Variants in RAPGEF1 observed in about 807,000 individuals in gnomAD.
RAPGEF1 encodes CRK SH3-binding GNRP.
RAPGEF1 carries 33 observed loss-of-function variants against 143.3 expected under a neutral mutation model. The observed-to-expected ratio is 0.23, with a 90% confidence interval of 0.17 to 0.31. RAPGEF1 has a LOEUF of 0.31. RAPGEF1 is among the 10% of genes least tolerant of loss of function. The probability of loss-of-function intolerance (pLI) is 1.00; values close to 1 mark genes in which losing one functional copy is unlikely to be tolerated. For missense variants in RAPGEF1, 1,199 were observed against 1,645.4 expected (o/e 0.73, Z 4.69); for synonymous variants, 629 against 676.5 (o/e 0.93, Z 1.09).
intron 1 of RAPGEF1, among the ~76,000 whole-genome samples, chr9:131,716,250 C>A (rs573933417): frequency 5.3e-5 from 8 of 152,318 alleles, no homozygotes; most frequent in African/African-American, 1.2e-4. Context: ...AAGGACCCCC[C>A]CAATGATACA....
intron 5 of RAPGEF1, among the ~76,000 whole-genome samples, chr9:131,630,716 T>C (rs958648483): frequency 3.3e-5 from 5 of 151,950 alleles, no homozygotes; most frequent in African/African-American, 1.2e-4. Flanking sequence ...TGCACGATGA[T>C]GGCATGGGTG....
intron 22 of RAPGEF1, among the ~76,000 whole-genome samples, chr9:131,586,791 G>A (rs1294658159): frequency 2.1e-5 from 1 of 48,264 alleles, no homozygotes; most frequent in African/African-American, 9.6e-5. Flanking sequence ...GCGAGACTCC[G>A]TCAAACACAC....
intron 5 of RAPGEF1, 136 bp from the exon 6 acceptor site, chr9:131,630,460 GCAAGTATCACTTGCCTTAGGT>G: frequency 1.3e-6 from 1 of 786,114 alleles, no homozygotes; most frequent in South Asian, 1.6e-5. Flanking sequence ...CACCATAAAC[GCAAGTATCACTTGCCTTAGGT>G]AATCTGCATG....
At chr9:131,593,868 T>A (rs1954788965) in intron 17 of RAPGEF1, among the ~76,000 whole-genome samples, 1 of 152,214 alleles carries the variant, frequency 6.6e-6, no homozygotes, top group Non-Finnish European at 1.5e-5. Context: ...GACCCATACC[T>A]GCTTCTGGAA....
intron 16 of RAPGEF1, among the ~76,000 whole-genome samples, chr9:131,596,988 C>T (rs1458402690): frequency 6.6e-6 from 1 of 152,188 alleles, no homozygotes; most frequent in East Asian, 1.9e-4. Flanking sequence ...TGCCACCAAC[C>T]CACCTGCCTC....
rs565098582 is a variant in RAPGEF1 at position 131,725,890 on chromosome 9, C to T, written c.61+13880G>A. On this transcript the variant is annotated intron_variant, in intron 1 of 26. Transcript: ENST00000683357. ...TCTCCTGCCTCAGCCTCCCGAGTAGCTGGGACTACAGGCGCGTGCCACCAT... is the reference window on the plus strand; with the variant it reads ...TCTCCTGCCTCAGCCTCCCGAGTAGTTGGGACTACAGGCGCGTGCCACCAT... Among the ~76,000 whole-genome samples the T allele has an allele frequency of 2.0e-5, 3 of 151,874 alleles. No homozygotes were observed. The South Asian group carries it at 6.3e-4, about 32-fold the overall frequency.
Position 131,667,965 on chromosome 9 carries a change from A to C in RAPGEF1, c.62-17016T>G, listed in dbSNP as rs1214973740. Among the ~76,000 whole-genome samples, 1 of 152,222 alleles carries C rather than the reference A, an allele frequency of 6.6e-6. No individual in the cohort carries two copies. The highest frequency in any genetic ancestry group is 1.5e-5 in the Non-Finnish European group (1 of 68,032). ...TCATCTGTGGCCACCAGACCGTTCA[A>C]AAATATACTCCTTTTTGGGATAAAT... On this transcript the variant is annotated intron_variant, in intron 1 of 26. Transcript: ENST00000683357. The surrounding 1 kb of genome is among the most constrained non-coding windows in gnomAD (Gnocchi z 4.6).
intron 1 of RAPGEF1, among the ~76,000 whole-genome samples, chr9:131,653,226 C>T (rs1588789893): frequency 6.6e-6 from 1 of 152,210 alleles, no homozygotes; most frequent in African/African-American, 2.4e-5. Context: ...CCTCCACATG[C>T]TTCAAATCAT....
At chr9:131,624,013 C>A (rs1029207868) in intron 10 of RAPGEF1, among the ~76,000 whole-genome samples, 2 of 152,166 alleles carry the variant, frequency 1.3e-5, no homozygotes, top group Admixed American at 6.5e-5. Flanking sequence ...GGGGCTCTTT[C>A]ACAGGGTACG....
intron 1 of RAPGEF1, chr9:131,737,426 C>T: frequency 2.5e-6 from 4 of 1,613,862 alleles, no homozygotes; most frequent in Non-Finnish European, 1.7e-6. Context: ...GCAGCACGGT[C>T]GCTCGGTCTG....
At chr9:131,594,906 G>C (rs964812292) in intron 17 of RAPGEF1, among the ~76,000 whole-genome samples, 1 of 152,158 alleles carries the variant, frequency 6.6e-6, no homozygotes, top group Non-Finnish European at 1.5e-5. Flanking sequence ...TCAGCCCCTC[G>C]CTGTGGACAA....
In RAPGEF1 at chr9:131,587,691, T is replaced by C. The variant is rs370376534; in HGVS notation, c.3233+45A>G. 2.2e-5 allele frequency: 35 copies of C among 1,570,254 alleles called. No individual in the cohort carries two copies. In the Middle Eastern group the frequency reaches 1.2e-3, roughly 52 times the overall value. On this transcript the variant is annotated intron_variant, in intron 22 of 26. Transcript: ENST00000683357. ...GGAAAACGCAGAGCCCACCCAGACG[T>C]GCCACCATCCAGAGCAACAGGGCTT...
At position 131,589,974 on chromosome 9, in the gene RAPGEF1, C is replaced by A; in HGVS notation, c.2779G>T (p.Glu927Ter). The A allele has an allele frequency of 1.2e-6, 2 of 1,613,344 alleles. No homozygotes were observed. Among genetic ancestry groups the A allele is most frequent in the South Asian group, 2.2e-5 (2 of 91,022 alleles). ...GTGTCGGCAAAGGGAGAGAATTTCTCATATGTGGAGCACGGGTTAAAGAAA... is the reference window on the plus strand; with the variant it reads ...GTGTCGGCAAAGGGAGAGAATTTCTAATATGTGGAGCACGGGTTAAAGAAA... ...ELIKKLQYRY[E>*]KFSPFADTFK... The change falls in exon 19 of 27, where the codon GAG (glutamate) becomes TAG (stop). Residue 927 changes from glutamate to a stop codon, truncating the protein, a stop_gained. Transcript: ENST00000683357. LOFTEE classifies it high-confidence loss of function.
chr9:131,688,949 G>A lies in RAPGEF1; in HGVS notation c.62-38000C>T, dbSNP rs143504510. Among the ~76,000 whole-genome samples the A allele has an allele frequency of 9.0e-4, 137 of 152,246 alleles. 1 individual carries two copies. The East Asian group carries it at 0.024, about 26-fold the overall frequency. ...AATAAGCTTCACCTTGGACCACTGTGTCTTAACTGGAATTCCCACTTCACC... is the reference window on the plus strand; with the variant it reads ...AATAAGCTTCACCTTGGACCACTGTATCTTAACTGGAATTCCCACTTCACC... On this transcript the variant is annotated intron_variant, in intron 1 of 26. Transcript: ENST00000683357.
At chr9:131,614,147 C>CG (rs992053056) in intron 12 of RAPGEF1, among the ~76,000 whole-genome samples, 1 of 152,044 alleles carries the variant, frequency 6.6e-6, no homozygotes, top group Non-Finnish European at 1.5e-5. Flanking sequence ...AACACCCCCC[C>CG]CCAAGGAGGG....
In RAPGEF1 at chr9:131,674,862, C is replaced by T. The variant is rs186728976; in HGVS notation, c.62-23913G>A. Among the ~76,000 whole-genome samples, 95 of 152,212 alleles carry T rather than the reference C, an allele frequency of 6.2e-4. 1 individual carries two copies. The highest frequency in any genetic ancestry group is 3.4e-3 in the Middle Eastern group (1 of 294). The stretch of plus-strand genomic sequence containing the variant: ...GAGGGCAGACCTGAAGCATCGCTAC[C>T]GAGGTCAGGGGACAAGTGCTACACA... On this transcript the variant is annotated intron_variant, in intron 1 of 26. Transcript: ENST00000683357.
intron 1 of RAPGEF1, among the ~76,000 whole-genome samples, chr9:131,736,884 C>T (rs1180165779): frequency 6.6e-6 from 1 of 152,160 alleles, no homozygotes; most frequent in Non-Finnish European, 1.5e-5. Flanking sequence ...ACCACTTCAC[C>T]TAAGGGCCTC....
chr9:131,739,750 G>A lies in RAPGEF1; in HGVS notation c.61+20C>T. 2 of 1,134,240 alleles carry A rather than the reference G, an allele frequency of 1.8e-6. No individual in the cohort carries two copies. Among genetic ancestry groups the A allele is most frequent in the Non-Finnish European group, 1.1e-6 (1 of 915,184 alleles). The allele number at this position is 1,134,240 out of a possible 1,614,324, so 70.3% of individuals were successfully genotyped here. A position where few individuals can be genotyped will look rare whatever the true frequency, so the allele number is the denominator to read the frequency against. ...GGGCCGGGCCCGGCCGGAGGGAGCC[G>A]CCCCACGCCCGCGCCTCACCTGCTT... On this transcript the variant is annotated intron_variant, in intron 1 of 26. Coordinates refer to ENST00000683357, the MANE Select transcript of RAPGEF1 (RefSeq NM_001377935.1).
intron 17 of RAPGEF1, among the ~76,000 whole-genome samples, chr9:131,593,089 C>T (rs1487906187): frequency 6.6e-6 from 1 of 152,194 alleles, no homozygotes; most frequent in Non-Finnish European, 1.5e-5. Context: ...CGGGGAAATT[C>T]CACGTTTTGG....
Sources: gnomAD v4.1 joint callset for allele counts (sites outside exome capture counted in the v4.1 genomes callset) on GRCh38, gnomAD v4.1.1 for gene constraint, Gnocchi (gnomAD v3.1) non-coding constraint, MANE v1.5 for transcripts, NCBI Gene and HGNC (gene_info 2026-07-23, HGNC 2026-07-21) for gene names.